Variants in NAV1 observed in about 807,000 individuals in gnomAD.
The protein encoded by NAV1 is pore membrane and/or filament interacting like protein 3.
NAV1 carries 18 observed loss-of-function variants against 175.2 expected under a neutral mutation model. The observed-to-expected ratio is 0.10, with a 90% CI of 0.07 to 0.15. The LOEUF (loss-of-function observed/expected upper bound fraction) is 0.15. NAV1 is among the 10% of genes least tolerant of loss of function. The pLI, the probability that NAV1 is intolerant of heterozygous loss-of-function variation, is 1.00. For synonymous variants in NAV1, 897 were observed against 978.7 expected (o/e 0.92, Z 1.56); for missense variants, 1,731 against 2,436.6 (o/e 0.71, Z 6.10).
chr1:201,616,955 G>T (rs1429361687), intron 2 of NAV1, among the ~76,000 whole-genome samples: 1 of 152,148 alleles, frequency 6.6e-6, no homozygotes, highest in African/African-American at 2.4e-5. Context: ...AAGGTGTGTG[G>T]TTGTTGAACA....
At chr1:201,687,240 CT>C (rs528411779) in intron 1 of NAV1, among the ~76,000 whole-genome samples, 239 of 151,632 alleles carry the variant, frequency 1.6e-3, no homozygotes, top group Non-Finnish European at 2.6e-3. Flanking sequence ...TTATAGGTTG[CT>C]TTTTTTTTCC....
chr1:201,558,617 A>G (rs1666104997), intron 1 of NAV1, among the ~76,000 whole-genome samples: 2 of 152,050 alleles, frequency 1.3e-5, no homozygotes, highest in Admixed American at 6.6e-5. Context: ...CACGCTGGCT[A>G]ATTTTTGTAT....
At chr1:201,648,645 G>T (rs915406927) in exon 1 of NAV1, 53 of 1,345,340 alleles carry the variant, frequency 3.9e-5, no homozygotes, top group Non-Finnish European at 5.0e-5. Flanking sequence ...CGCGCGGATC[G>T]TCCATGCGCT....
intron 3 of NAV1, among the ~76,000 whole-genome samples, chr1:201,739,150 C>T (rs1488605147): frequency 1.3e-5 from 2 of 152,168 alleles, no homozygotes; most frequent in African/African-American, 4.8e-5. Context: ...TGGATAAAGA[C>T]ACAGATCCTT....
intron 2 of NAV1, among the ~76,000 whole-genome samples, chr1:201,602,858 C>T (rs1490209825): frequency 6.6e-6 from 1 of 151,974 alleles, no homozygotes; most frequent in Admixed American, 6.5e-5. Context: ...CCTCACCCAG[C>T]CTCCCCATCC....
At chr1:201,696,685 C>T (rs892011470) in intron 1 of NAV1, among the ~76,000 whole-genome samples, 2 of 152,162 alleles carry the variant, frequency 1.3e-5, no homozygotes, top group African/African-American at 2.4e-5. Flanking sequence ...GGCCTCCTGG[C>T]GTCCGCCTCT....
At chr1:201,648,672 C>G in exon 1 of NAV1, 1 of 1,409,106 alleles carries the variant, frequency 7.1e-7, no homozygotes, top group Non-Finnish European at 9.2e-7. Context: ...GGGCAGAATG[C>G]TGGGCAGCAG....
chr1:201,789,163 G>A (rs1191437889), intron 10 of NAV1, among the ~76,000 whole-genome samples: 1 of 152,178 alleles, frequency 6.6e-6, no homozygotes, highest in Non-Finnish European at 1.5e-5. Context: ...GCTTATGGCA[G>A]GTTAGCTCTC....
chr1:201,757,361 C>G (rs145738724), intron 3 of NAV1, among the ~76,000 whole-genome samples: 13 of 152,200 alleles, frequency 8.5e-5, no homozygotes, highest in African/African-American at 3.1e-4. Flanking sequence ...CTCTTAACTT[C>G]TGGGCTCAAG....
chr1:201,611,071 T>G (rs1269524498), intron 2 of NAV1, among the ~76,000 whole-genome samples: 1 of 152,156 alleles, frequency 6.6e-6, no homozygotes, highest in Non-Finnish European at 1.5e-5. Context: ...CCCCCTCTGC[T>G]AACAAGTCCC....
At chr1:201,548,818 G>T (rs1665743195) in intron 1 of NAV1, among the ~76,000 whole-genome samples, 2 of 152,226 alleles carry the variant, frequency 1.3e-5, no homozygotes, top group Non-Finnish European at 2.9e-5. Flanking sequence ...CTCTAAACTT[G>T]TCTAACTCCT....
chr1:201,764,106 T>TA (rs1331598659), intron 3 of NAV1, among the ~76,000 whole-genome samples: 13 of 152,158 alleles, frequency 8.5e-5, no homozygotes, highest in Admixed American at 2.0e-4. Context: ...TATCATGATT[T>TA]AAAAAAATCT....
In NAV1 at chr1:201,539,471, C is replaced by G. The variant is rs1328603734; in HGVS notation, c.-144+129C>G. ...TCTCGGGGTAGGGGAGGTTGGTGCC[C>G]GAGGGAGGCTGTGGGCTGGGCTCGG... On this transcript the variant is annotated intron_variant, in intron 1 of 33. Transcript: ENST00000685211. The surrounding 1 kb of genome is among the most constrained non-coding windows in gnomAD (Gnocchi z 5.6). 1.3e-5 allele frequency among the ~76,000 whole-genome samples: 2 copies of G among 152,026 alleles called. No homozygotes were observed. Among genetic ancestry groups the G allele is most frequent in the Non-Finnish European group, 2.9e-5 (2 of 67,978 alleles).
chr1:201,707,448 C>T (rs528995251), intron 1 of NAV1, among the ~76,000 whole-genome samples: 2 of 152,310 alleles, frequency 1.3e-5, no homozygotes, highest in African/African-American at 4.8e-5. Context: ...TGCCCATTTC[C>T]CAGAGCGGGA....
intron 1 of NAV1, among the ~76,000 whole-genome samples, chr1:201,711,324 G>C (rs1252279532): frequency 6.6e-6 from 1 of 152,226 alleles, no homozygotes; most frequent in African/African-American, 2.4e-5. Context: ...TGTGGAGCTG[G>C]TTCTCAGAAA....
rs1035188233 is a variant in NAV1 at position 201,539,503 on chromosome 1, C to G, written c.-144+161C>G. On this transcript the variant is annotated intron_variant, in intron 1 of 33. Transcript: ENST00000685211. The surrounding 1 kb of genome is among the most constrained non-coding windows in gnomAD (Gnocchi z 5.6). ...GGCTGTGGGCTGGGCTCGGGAGAGG[C>G]GCTGGAATAAATAACAACCAAGATG... is the stretch of plus-strand genomic sequence containing the variant. Among the ~76,000 whole-genome samples the G allele has an allele frequency of 4.6e-5, 7 of 151,992 alleles. No homozygotes were observed. Among genetic ancestry groups the G allele is most frequent in the African/African-American group, 1.7e-4 (7 of 41,386 alleles).
chr1:201,770,021 T>C (rs1260204963), intron 3 of NAV1, among the ~76,000 whole-genome samples: 1 of 152,228 alleles, frequency 6.6e-6, no homozygotes, highest in East Asian at 1.9e-4. Context: ...GCTGGTCCAC[T>C]CTTCCAGTTA....
At chr1:201,789,993 T>G (rs16849352) in intron 11 of NAV1, among the ~76,000 whole-genome samples, 3,208 of 152,250 alleles carry the variant, frequency 0.021, 87 homozygotes, top group South Asian at 0.1. Flanking sequence ...GTGGTCTTTC[T>G]GGCCCCACCA....
At chr1:201,776,951 A>T (rs1675991302) in intron 3 of NAV1, among the ~76,000 whole-genome samples, 1 of 152,194 alleles carries the variant, frequency 6.6e-6, no homozygotes, top group Non-Finnish European at 1.5e-5. Flanking sequence ...GGAGACAAAA[A>T]AAAACAGGTC....
Sources: allele counts gnomAD v4.1 joint callset (sites outside exome capture counted in the v4.1 genomes callset), GRCh38; gene constraint gnomAD v4.1.1; non-coding constraint Gnocchi (gnomAD v3.1); transcripts MANE v1.5; gene names NCBI Gene and HGNC (gene_info 2026-07-23, HGNC 2026-07-21).